The following DGKI variants were observed in gnomAD, a reference collection of about 807,000 sequenced individuals.
DGKI encodes diacylglycerol kinase iota, also known as DAG kinase iota.
DGKI carries 55 observed loss-of-function variants against 147.5 expected under a neutral mutation model. That is an observed-to-expected ratio of 0.37 (90% confidence interval 0.30 to 0.47). The LOEUF (loss-of-function observed/expected upper bound fraction) is 0.47. Ranked by LOEUF, DGKI falls within the 20% of genes least tolerant of loss-of-function variation. DGKI has a pLI of 1.00. For missense variants in DGKI, 1,007 were observed against 1,323.8 expected (o/e 0.76, Z 3.71); for synonymous variants, 469 against 477.1 (o/e 0.98, Z 0.22).
At chr7:137,543,684 C>A (rs918148681) in intron 20 of DGKI, among the ~76,000 whole-genome samples, 2 of 152,048 alleles carry the variant, frequency 1.3e-5, no homozygotes, top group African/African-American at 4.8e-5. Context: ...TAGATAGCAA[C>A]CCCCTTCCCC....
chr7:137,533,212 T>C (rs1817402753), intron 20 of DGKI, among the ~76,000 whole-genome samples: 1 of 151,956 alleles, frequency 6.6e-6, no homozygotes. Context: ...TCACTTGAAC[T>C]CAGGAGTTCA....
intron 1 of DGKI, among the ~76,000 whole-genome samples, chr7:137,716,250 C>T (rs188390422): frequency 1.0e-3 from 152 of 152,256 alleles, no homozygotes; most frequent in African/African-American, 3.6e-3. Context: ...TGTAATTTTG[C>T]GACATCTTCA....
intron 28 of DGKI, among the ~76,000 whole-genome samples, chr7:137,420,635 AG>A (rs1313316695): frequency 1.1e-4 from 16 of 152,118 alleles, no homozygotes; most frequent in African/African-American, 3.9e-4. Flanking sequence ...AAAAAAAAAA[AG>A]AAAAGCAGGG....
At position 137,635,622 on chromosome 7, in the gene DGKI, G is replaced by A. The variant is rs552222023; in HGVS notation, c.804+9850C>T. Among the ~76,000 whole-genome samples, 6 of 152,258 alleles carry A rather than the reference G, an allele frequency of 3.9e-5. No homozygotes were observed. The South Asian group carries it at 8.3e-4, about 21-fold the overall frequency. ...ACCATGAGATCCACTGGACTATCAC[G>A]GCCTACACCATCCAGAAGATGAAGG... On this transcript the variant is annotated intron_variant, in intron 6 of 32. Coordinates refer to ENST00000614521, the MANE Select transcript of DGKI (RefSeq NM_001321708.2).
intron 3 of DGKI, among the ~76,000 whole-genome samples, chr7:137,668,164 TATG>T: frequency 1.3e-5 from 2 of 152,320 alleles, no homozygotes; most frequent in South Asian, 4.1e-4. Flanking sequence ...AGATAAGAAA[TATG>T]ATATTTAACG....
At chr7:137,750,628 G>T (rs1243945221) in intron 1 of DGKI, among the ~76,000 whole-genome samples, 1 of 152,110 alleles carries the variant, frequency 6.6e-6, no homozygotes, top group African/African-American at 2.4e-5. Context: ...ATCAGCATCT[G>T]TATAAAGATA....
intron 1 of DGKI, among the ~76,000 whole-genome samples, chr7:137,707,169 G>A (rs554032079): frequency 1.3e-4 from 20 of 152,206 alleles, no homozygotes; most frequent in African/African-American, 4.8e-4. Flanking sequence ...TTAGACCTGT[G>A]GTACAAATGG....
chr7:137,639,126 T>C (rs1821527537), intron 6 of DGKI, among the ~76,000 whole-genome samples: 1 of 152,218 alleles, frequency 6.6e-6, no homozygotes, highest in Admixed American at 6.5e-5. Context: ...GAAATAGTCA[T>C]TTTGATAAAA....
At chr7:137,618,152 T>TATATATATATATATATATATA (rs1554442534) in intron 8 of DGKI, among the ~76,000 whole-genome samples, 3 of 14,384 alleles carry the variant, frequency 2.1e-4, no homozygotes, top group Non-Finnish European at 4.3e-4. Flanking sequence ...TATATATATA[T>TATATATATATATATATATATA]TTTTTTTTTT....
intron 20 of DGKI, among the ~76,000 whole-genome samples, chr7:137,550,278 A>G (rs1818002600): frequency 6.6e-6 from 1 of 150,944 alleles, no homozygotes; most frequent in African/African-American, 2.4e-5. Context: ...GATTCTTATG[A>G]GTAGCTGGGA....
intron 3 of DGKI, among the ~76,000 whole-genome samples, chr7:137,669,834 T>A (rs1301048905): frequency 1.3e-5 from 2 of 152,180 alleles, no homozygotes; most frequent in Non-Finnish European, 2.9e-5. Flanking sequence ...CCCAACCCAA[T>A]GTGACTACTT....
intron 11 of DGKI, among the ~76,000 whole-genome samples, chr7:137,598,724 T>G (rs1462948599): frequency 1.3e-5 from 2 of 152,170 alleles, no homozygotes; most frequent in East Asian, 3.8e-4. Flanking sequence ...TCCTACCATG[T>G]TCTTTACGGT....
intron 6 of DGKI, among the ~76,000 whole-genome samples, chr7:137,645,243 G>T (rs1161527604): frequency 6.6e-6 from 1 of 152,214 alleles, no homozygotes; most frequent in Non-Finnish European, 1.5e-5. Flanking sequence ...CTGTAAGAAT[G>T]CATCCAGGTA....
At chr7:137,618,127 C>CTA (rs1164221520) in intron 8 of DGKI, among the ~76,000 whole-genome samples, 1 of 16,176 alleles carries the variant, frequency 6.2e-5, no homozygotes, top group African/African-American at 8.7e-5. Context: ...TTCTAAAATA[C>CTA]TATATATATA....
At chr7:137,532,355 G>A (rs897176643) in intron 20 of DGKI, among the ~76,000 whole-genome samples, 1 of 152,082 alleles carries the variant, frequency 6.6e-6, no homozygotes, top group Non-Finnish European at 1.5e-5. Flanking sequence ...TACATAAAAG[G>A]CATTTTCTTA....
chr7:137,582,034 C>T, intron 14 of DGKI, 106 bp from the exon 15 acceptor site: 1 of 757,080 alleles, frequency 1.3e-6, no homozygotes. Context: ...CCCTAGGAGA[C>T]AGATCAGCCA....
At chr7:137,472,070 ATATT>A (rs59558067) in intron 23 of DGKI, among the ~76,000 whole-genome samples, 1,471 of 126,968 alleles carry the variant, frequency 0.012, 37 homozygotes, top group African/African-American at 0.042. Flanking sequence ...ACATACATAT[ATATT>A]ATGTTATATA....
chr7:137,691,204 G>A (rs1359463417), intron 1 of DGKI, among the ~76,000 whole-genome samples: 6 of 152,200 alleles, frequency 3.9e-5, no homozygotes, highest in Admixed American at 3.3e-4. Context: ...CTCTGTGGGA[G>A]CATGTACATT....
At position 137,581,800 on chromosome 7, in the gene DGKI, C is replaced by T. The variant is rs373805144; in HGVS notation, c.1642+50G>A. On this transcript the variant is annotated intron_variant, in intron 15 of 32. Coordinates refer to ENST00000614521, the MANE Select transcript of DGKI (RefSeq NM_001321708.2). ...CAAACAAAAGGGAACATGCAAAACA[C>T]CTGCTAGAAACTTCCTCCCTGGGAG... The T allele has an allele frequency of 6.4e-4, 960 of 1,493,152 alleles. 4 individuals carry two copies. The highest frequency in any genetic ancestry group is 1.7e-3 in the South Asian group (149 of 88,116). 92.5% of individuals were successfully genotyped at this position (1,493,152 alleles called of 1,614,324 possible).
Sources: gnomAD v4.1 joint callset for allele counts (sites outside exome capture counted in the v4.1 genomes callset) on GRCh38, gnomAD v4.1.1 for gene constraint, MANE v1.5 for transcripts, NCBI Gene and HGNC (gene_info 2026-07-23, HGNC 2026-07-21) for gene names.